Variants in EXOC4 observed in about 807,000 individuals in gnomAD.
EXOC4 encodes the protein exocyst complex component 4.
Under a neutral mutation model 107.2 loss-of-function variants are expected in EXOC4, and 71 were observed. That is an observed-to-expected ratio of 0.66 (90% confidence interval 0.55 to 0.81). The LOEUF is 0.81. EXOC4 is among the 30% of genes least tolerant of loss of function. The pLI, the probability that EXOC4 is intolerant of heterozygous loss-of-function variation, is 0.00. For synonymous variants in EXOC4, 456 were observed against 441.2 expected (o/e 1.03, Z -0.42); for missense variants, 1,108 against 1,189.6 (o/e 0.93, Z 1.01).
chr7:133,660,896 A>G (rs573609075), intron 10 of EXOC4, among the ~76,000 whole-genome samples: 2 of 152,288 alleles, frequency 1.3e-5, no homozygotes, highest in East Asian at 1.9e-4. Context: ...CTGTGTACCA[A>G]CTACTTTTCA....
At chr7:133,896,133 T>C (rs6960208) in intron 12 of EXOC4, among the ~76,000 whole-genome samples, 3,416 of 152,328 alleles carry the variant, frequency 0.022, 114 homozygotes, top group African/African-American at 0.073. Flanking sequence ...ATTAAAAATA[T>C]ATTCTTCCTG....
intron 10 of EXOC4, among the ~76,000 whole-genome samples, chr7:133,761,173 C>A (rs1796024486): frequency 6.6e-6 from 1 of 152,090 alleles, no homozygotes. Context: ...TGATGTTTAC[C>A]TTTGAAATTT....
chr7:133,625,955 C>A (rs1802443470), intron 9 of EXOC4, among the ~76,000 whole-genome samples: 1 of 152,096 alleles, frequency 6.6e-6, no homozygotes, highest in South Asian at 2.1e-4. Flanking sequence ...AGCTGTAATC[C>A]CAGCACTTTG....
At chr7:133,277,004 C>T (rs1000986868) in intron 2 of EXOC4, among the ~76,000 whole-genome samples, 3 of 151,524 alleles carry the variant, frequency 2.0e-5, no homozygotes, top group Non-Finnish European at 4.4e-5. Flanking sequence ...TCTTGTTGCC[C>T]AGGCTGGAGT....
chr7:133,925,602 C>T, intron 13 of EXOC4, among the ~76,000 whole-genome samples: 2 of 152,072 alleles, frequency 1.3e-5, no homozygotes, highest in East Asian at 3.9e-4. Context: ...TCATTTCATT[C>T]ATACCCTGAA....
Position 133,833,261 on chromosome 7 carries a change from G to C in EXOC4, c.1734+15717G>C, listed in dbSNP as rs534351081. 8.9e-5 allele frequency among the ~76,000 whole-genome samples: 13 copies of C among 146,206 alleles called. No homozygotes were observed. In the East Asian group the frequency reaches 2.5e-3, roughly 28 times the overall value. Reference sequence around the variant, plus strand: ...TCCCTGAGAAGGAAAAAAAAAAAAGGCCTAGGGATGTTTAGGTATCTGGAA... The same window carrying C: ...TCCCTGAGAAGGAAAAAAAAAAAAGCCCTAGGGATGTTTAGGTATCTGGAA... On this transcript the variant is annotated intron_variant, in intron 11 of 17. Transcript: ENST00000253861.
intron 17 of EXOC4, among the ~76,000 whole-genome samples, chr7:134,061,467 T>C (rs1428563441): frequency 1.3e-5 from 2 of 152,160 alleles, no homozygotes; most frequent in Non-Finnish European, 2.9e-5. Context: ...GAAGCACATA[T>C]CTGGGGATGG....
At chr7:133,821,068 A>G (rs1262192449) in intron 11 of EXOC4, among the ~76,000 whole-genome samples, 3 of 152,264 alleles carry the variant, frequency 2.0e-5, no homozygotes, top group East Asian at 1.9e-4. Flanking sequence ...AAGCTGATAC[A>G]GCAGAGTAAC....
chr7:133,354,183 T>C (rs1228711565), intron 5 of EXOC4, among the ~76,000 whole-genome samples: 3 of 152,098 alleles, frequency 2.0e-5, no homozygotes, highest in African/African-American at 4.8e-5. Context: ...ATGGGCCATA[T>C]TTGCCTCTCT....
chr7:133,791,128 G>A (rs1796695047), intron 10 of EXOC4, among the ~76,000 whole-genome samples: 1 of 152,186 alleles, frequency 6.6e-6, no homozygotes, highest in Non-Finnish European at 1.5e-5. Flanking sequence ...TTTCCACTGA[G>A]AATGGTGGAA....
At chr7:133,289,171 C>CT in intron 3 of EXOC4, 55 bp downstream of exon 3, 2 of 1,474,362 alleles carry the variant, frequency 1.4e-6, no homozygotes, top group Middle Eastern at 1.8e-4. Flanking sequence ...AAAGCACTCT[C>CT]TTTTATTCTC....
the EXOC4 span, among the ~76,000 whole-genome samples, chr7:134,082,321 C>T: frequency 6.6e-6 from 1 of 152,160 alleles, no homozygotes; most frequent in Non-Finnish European, 1.5e-5. Flanking sequence ...GTTGGCATGG[C>T]ATTTGTAAAC....
chr7:133,306,684 G>A lies in EXOC4; in HGVS notation c.656+623G>A, dbSNP rs188897822. 2.6e-5 allele frequency among the ~76,000 whole-genome samples: 4 copies of A among 151,836 alleles called. No homozygotes were observed. In the South Asian group the frequency reaches 6.2e-4, roughly 24 times the overall value. On this transcript the variant is annotated intron_variant, in intron 4 of 17. Transcript: ENST00000253861. The stretch of plus-strand genomic sequence containing the variant: ...ACTGTACTCTAGCCTGAGCAACAGC[G>A]AGGAGACCTGGTCTCTTAAAAAAAA...
At chr7:133,975,807 C>A (rs934932334) in intron 14 of EXOC4, among the ~76,000 whole-genome samples, 109 of 152,024 alleles carry the variant, frequency 7.2e-4, no homozygotes, top group African/African-American at 2.6e-3. Flanking sequence ...AAGTAGATAT[C>A]ATAATCTTCA....
At chr7:134,068,965 C>T (rs1314513377), downstream of EXOC4, among the ~76,000 whole-genome samples, 1 of 152,148 alleles carries the variant, frequency 6.6e-6, no homozygotes, top group Non-Finnish European at 1.5e-5. Context: ...AGAAACAGCC[C>T]CTTGTGACAC....
intron 7 of EXOC4, among the ~76,000 whole-genome samples, chr7:133,444,720 G>A (rs1486423449): frequency 6.6e-6 from 1 of 152,096 alleles, no homozygotes; most frequent in African/African-American, 2.4e-5. Flanking sequence ...TTGAGGGAAC[G>A]GAGAAGAAAA....
chr7:134,020,643 C>T (rs560856988), intron 17 of EXOC4, among the ~76,000 whole-genome samples: 141 of 152,214 alleles, frequency 9.3e-4, no homozygotes, highest in African/African-American at 3.0e-3. Context: ...ATAAATCAAC[C>T]TTTAATTGTT....
intron 13 of EXOC4, among the ~76,000 whole-genome samples, chr7:133,936,504 G>T (rs755614073): frequency 6.6e-6 from 1 of 152,154 alleles, no homozygotes; most frequent in Non-Finnish European, 1.5e-5. Context: ...CTCAGGTAAG[G>T]TGTGTGAGAT....
intron 2 of EXOC4, among the ~76,000 whole-genome samples, chr7:133,282,408 GAAC>G (rs986847131): frequency 1.3e-5 from 2 of 152,116 alleles, no homozygotes; most frequent in African/African-American, 4.8e-5. Context: ...ATCATGGTTT[GAAC>G]AACCTTTTCA....
Sources: allele counts gnomAD v4.1 joint callset (sites outside exome capture counted in the v4.1 genomes callset), GRCh38; gene constraint gnomAD v4.1.1; transcripts MANE v1.5; gene names NCBI Gene and HGNC (gene_info 2026-07-23, HGNC 2026-07-21).